Variants in NLGN1 observed in about 807,000 individuals in gnomAD.
NLGN1 encodes neuroligin 1, also known as neuroligin-1.
NLGN1 carries 12 observed loss-of-function variants against 65.5 expected under a neutral mutation model. The observed-to-expected ratio is 0.18, with a 90% confidence interval of 0.12 to 0.30. The LOEUF is 0.30. Ranked by LOEUF, NLGN1 falls within the 10% of genes least tolerant of loss-of-function variation. NLGN1 has a pLI of 1.00. For missense variants in NLGN1, 750 were observed against 1,007.1 expected, an observed-to-expected ratio of 0.74 and a Z score of 3.46; for synonymous variants, 350 against 359.5, an observed-to-expected ratio of 0.97 and a Z score of 0.30.
At chr3:174,150,537 T>C (rs1451950324) in intron 4 of NLGN1, among the ~76,000 whole-genome samples, 2 of 152,118 alleles carry the variant, frequency 1.3e-5, no homozygotes, top group Non-Finnish European at 2.9e-5. Context: ...ACCACTGTCC[T>C]AGAGCCAACC....
intron 4 of NLGN1, among the ~76,000 whole-genome samples, chr3:173,992,058 C>T (rs1338369644): frequency 6.6e-6 from 1 of 152,106 alleles, no homozygotes; most frequent in Non-Finnish European, 1.5e-5. Context: ...GAACTCCTGA[C>T]CTCAGGTGAT....
At position 174,047,973 on chromosome 3, in the gene NLGN1, G is replaced by A. The variant is rs566188334; in HGVS notation, c.647-227342G>A. ...GCACTTCATAGATGTAGGCAAAATCGTTGGATATGAACCTTCTAGAAAGCA... is the reference window on the plus strand; with the variant it reads ...GCACTTCATAGATGTAGGCAAAATCATTGGATATGAACCTTCTAGAAAGCA... On this transcript the variant is annotated intron_variant, in intron 4 of 6. Coordinates refer to ENST00000457714, the Ensembl canonical transcript of NLGN1. Among the ~76,000 whole-genome samples, 12 of 152,118 alleles carry A rather than the reference G, an allele frequency of 7.9e-5. No homozygotes were observed. The South Asian group carries it at 1.7e-3, about 21-fold the overall frequency.
intron 3 of NLGN1, among the ~76,000 whole-genome samples, chr3:173,779,691 G>T (rs574022666): frequency 6.6e-6 from 1 of 152,118 alleles, no homozygotes; most frequent in South Asian, 2.1e-4. Flanking sequence ...ATGGAACATA[G>T]GCTAAACCTA....
chr3:173,484,638 A>G (rs1054169604), intron 2 of NLGN1, among the ~76,000 whole-genome samples: 1 of 152,180 alleles, frequency 6.6e-6, no homozygotes, highest in African/African-American at 2.4e-5. Context: ...GGAACAAAAG[A>G]CATAGGCCAA....
At chr3:173,449,213 T>C (rs1721001704) in intron 2 of NLGN1, among the ~76,000 whole-genome samples, 1 of 152,164 alleles carries the variant, frequency 6.6e-6, no homozygotes. Flanking sequence ...GCTATAAATT[T>C]CCCTCTACAC....
chr3:173,566,403 C>G (rs896036669), intron 2 of NLGN1, among the ~76,000 whole-genome samples: 1 of 151,986 alleles, frequency 6.6e-6, no homozygotes, highest in Admixed American at 6.6e-5. Context: ...TGTAATTGGA[C>G]AAATCTTATG....
intron 4 of NLGN1, among the ~76,000 whole-genome samples, chr3:173,947,626 A>T (rs1289069288): frequency 6.6e-6 from 1 of 152,172 alleles, no homozygotes; most frequent in African/African-American, 2.4e-5. Context: ...ACATCTTCAA[A>T]TCATCAACAT....
chr3:173,690,096 A>G (rs1162245168), intron 3 of NLGN1, among the ~76,000 whole-genome samples: 1 of 152,212 alleles, frequency 6.6e-6, no homozygotes, highest in Non-Finnish European at 1.5e-5. Flanking sequence ...ACTGACAGTC[A>G]AAAGTGGTAG....
intron 3 of NLGN1, among the ~76,000 whole-genome samples, chr3:173,713,429 G>A (rs760965339): frequency 1.3e-5 from 2 of 152,058 alleles, no homozygotes; most frequent in African/African-American, 2.4e-5. Context: ...ATGAGTTAGT[G>A]TGATGTAAGA....
intron 4 of NLGN1, among the ~76,000 whole-genome samples, chr3:174,147,081 C>G (rs1039459834): frequency 6.6e-6 from 1 of 151,962 alleles, no homozygotes; most frequent in African/African-American, 2.4e-5. Context: ...CCAGTGAATC[C>G]CTGATAGCTG....
intron 4 of NLGN1, among the ~76,000 whole-genome samples, chr3:174,112,251 T>C (rs1296960994): frequency 2.0e-5 from 3 of 151,944 alleles, no homozygotes; most frequent in African/African-American, 7.2e-5. Context: ...AGTTGAAGAA[T>C]GAAGTCACTG....
intron 3 of NLGN1, among the ~76,000 whole-genome samples, chr3:173,764,918 C>G (rs1443269261): frequency 6.6e-6 from 1 of 152,040 alleles, no homozygotes; most frequent in Non-Finnish European, 1.5e-5. Context: ...AGGGTGCCAT[C>G]TGATATTTCT....
chr3:173,801,123 A>G (rs1344014842), intron 3 of NLGN1, among the ~76,000 whole-genome samples: 1 of 151,998 alleles, frequency 6.6e-6, no homozygotes, highest in Non-Finnish European at 1.5e-5. Flanking sequence ...CATTGCAACT[A>G]TAAGCAATAG....
intron 4 of NLGN1, among the ~76,000 whole-genome samples, chr3:174,019,926 G>C (rs989157018): frequency 6.6e-6 from 1 of 152,070 alleles, no homozygotes; most frequent in East Asian, 1.9e-4. Flanking sequence ...TATGTCACAA[G>C]ATTGTATGAT....
chr3:173,679,944 T>A (rs1291019748), intron 3 of NLGN1, among the ~76,000 whole-genome samples: 1 of 152,078 alleles, frequency 6.6e-6, no homozygotes, highest in Non-Finnish European at 1.5e-5. Flanking sequence ...AGGAAACAAT[T>A]AATTATGACT....
chr3:173,945,483 T>A (rs1038223360), intron 4 of NLGN1, among the ~76,000 whole-genome samples: 1 of 152,138 alleles, frequency 6.6e-6, no homozygotes, highest in African/African-American at 2.4e-5. Flanking sequence ...CATGCCATAT[T>A]ATTTGTGTGA....
intron 4 of NLGN1, among the ~76,000 whole-genome samples, chr3:174,171,621 G>A (rs531731807): frequency 3.2e-4 from 48 of 151,908 alleles, no homozygotes; most frequent in Non-Finnish European, 6.2e-4. Flanking sequence ...AATAAAATTG[G>A]GTAAAATGAA....
intron 4 of NLGN1, among the ~76,000 whole-genome samples, chr3:173,866,402 T>A (rs894253477): frequency 7.9e-5 from 12 of 152,122 alleles, no homozygotes; most frequent in Admixed American, 5.9e-4. Flanking sequence ...TTTTCCTGCG[T>A]TATTTATTAT....
At chr3:173,745,683 T>C (rs1452626356) in intron 3 of NLGN1, among the ~76,000 whole-genome samples, 1 of 151,938 alleles carries the variant, frequency 6.6e-6, no homozygotes, top group African/African-American at 2.4e-5. Context: ...ACACTGCAGG[T>C]GTTTAGGGAA....
Sources: gnomAD v4.1 joint callset for allele counts (sites outside exome capture counted in the v4.1 genomes callset) on GRCh38, gnomAD v4.1.1 for gene constraint, MANE v1.5 for transcripts, NCBI Gene and HGNC (gene_info 2026-07-23, HGNC 2026-07-21) for gene names.